Variants in ENTPD4 observed in about 807,000 individuals in gnomAD.
ENTPD4 encodes Golgi UDPase.
In ENTPD4, 60 loss-of-function variants were observed where a neutral mutation model predicts 79.1. That is an observed-to-expected ratio of 0.76 (90% CI 0.62 to 0.94). The LOEUF (loss-of-function observed/expected upper bound fraction) is 0.94, where lower values mean the gene tolerates loss of function less well. Ranked by LOEUF, ENTPD4 falls within the 40% of genes least tolerant of loss-of-function variation. The pLI is 0.00. For missense variants in ENTPD4, 772 were observed against 775.1 expected (o/e 1.00, Z 0.05); for synonymous variants, 276 against 292.0 (o/e 0.95, Z 0.56).
chr8:23,442,894 T>C (rs1406109948), intron 6 of ENTPD4, among the ~76,000 whole-genome samples: 1 of 152,102 alleles, frequency 6.6e-6, no homozygotes, highest in African/African-American at 2.4e-5. Context: ...TCCAAATTCC[T>C]GGACTGACAA....
intron 1 of ENTPD4, among the ~76,000 whole-genome samples, chr8:23,452,870 G>A (rs1800889470): frequency 1.3e-5 from 2 of 152,190 alleles, no homozygotes; most frequent in African/African-American, 4.8e-5. Context: ...TATCCCCAGA[G>A]TATTTGCTTA....
At chr8:23,447,641 C>A in intron 4 of ENTPD4, 39 bp downstream of exon 4, 5 of 1,508,376 alleles carry the variant, frequency 3.3e-6, no homozygotes, top group Non-Finnish European at 4.6e-6. Flanking sequence ...AATGAAGGTA[C>A]ACACCCTGGT....
intron 4 of ENTPD4, among the ~76,000 whole-genome samples, chr8:23,447,037 G>A (rs562026019): frequency 2.9e-4 from 44 of 152,166 alleles, no homozygotes; most frequent in Non-Finnish European, 5.1e-4. Context: ...AGGCACTCCC[G>A]GTATCTCCCA....
chr8:23,437,023 A>C lies in ENTPD4; in HGVS notation c.1285T>G (p.Tyr429Asp), dbSNP rs1459722739. 11 of 1,614,074 alleles carry C rather than the reference A, an allele frequency of 6.8e-6. No individual in the cohort carries two copies. Among genetic ancestry groups the C allele is most frequent in the African/African-American group, 1.3e-5 (1 of 75,062 alleles). Residue 429 changes from tyrosine (Y) to aspartate (D), a missense_variant, in exon 10 of 13, where the codon TAT becomes GAT. By Grantham distance (160) the Tyr-to-Asp change is radical. Coordinates refer to ENST00000358689, the MANE Select transcript of ENTPD4 (RefSeq NM_004901.5). ...CAGTAGTAGAATTCGGAGAAGCCAT[A>C]GAATTCACTGTTCTGGAAGTGAATT... ...PPIHFQNSEF[Y>D]GFSEFYYCTE...
intron 1 of ENTPD4, among the ~76,000 whole-genome samples, chr8:23,453,062 T>G (rs1479532444): frequency 1.3e-5 from 2 of 152,156 alleles, no homozygotes; most frequent in Non-Finnish European, 2.9e-5. Flanking sequence ...CAAAGATGAA[T>G]TAGATATAGG....
At position 23,439,739 on chromosome 8, in the gene ENTPD4, G is replaced by T; in HGVS notation, c.1049+10C>A. ...TGCAAATGACTGCCAAGTAGTGAAA[G>T]GTGCTTTACCTGTTCTTTTGAATGG... On this transcript the variant is annotated intron_variant, in intron 9 of 12. Transcript: ENST00000358689. The T allele has an allele frequency of 3.1e-6, 5 of 1,613,390 alleles. No homozygotes were observed. The highest frequency in any genetic ancestry group is 4.2e-6 in the Non-Finnish European group (5 of 1,179,414).
In ENTPD4 at chr8:23,433,077, A is replaced by T. The variant is rs774669675; in HGVS notation, c.1700T>A (p.Phe567Tyr). 3.7e-6 allele frequency: 6 copies of T among 1,614,056 alleles called. No individual in the cohort carries two copies. Among genetic ancestry groups the T allele is most frequent in the Non-Finnish European group, 5.1e-6 (6 of 1,180,034 alleles). The change falls in exon 13 of 13, where the codon TTC becomes TAC. Residue 567 changes from phenylalanine (F) to tyrosine (Y), a missense_variant. Phe to Tyr is a conservative substitution (Grantham distance 22). Coordinates refer to ENST00000358689, the MANE Select transcript of ENTPD4 (RefSeq NM_004901.5). ...GVSFVYNHYL[F>Y]SGCFLVVLLA... ...CAGCACCACCAGGAAGCAGCCAGAG[A>T]ACAGGTAGTGGTTGTAGACAAAGGA...
chr8:23,444,037 AAAAAC>A (rs1800719981), intron 5 of ENTPD4, 84 bp from the exon 6 acceptor site: 2 of 924,932 alleles, frequency 2.2e-6, no homozygotes, highest in Non-Finnish European at 3.3e-6. Context: ...TAAACAAACA[AAAAAC>A]AAAACCAGGG....
At chr8:23,434,778 T>C (rs1224813240) in intron 11 of ENTPD4, 5 of 1,112,166 alleles carry the variant, frequency 4.5e-6, no homozygotes, top group East Asian at 7.9e-5. Context: ...CATGTACTCC[T>C]TGAATGAATA....
intron 9 of ENTPD4, among the ~76,000 whole-genome samples, chr8:23,438,065 A>G (rs1468263721): frequency 6.6e-6 from 1 of 152,202 alleles, no homozygotes; most frequent in East Asian, 1.9e-4. Flanking sequence ...GAAAATAAAC[A>G]TTAATTTTGT....
intron 5 of ENTPD4, 145 bp downstream of exon 5, chr8:23,444,311 G>T: frequency 1.3e-6 from 1 of 749,168 alleles, no homozygotes; most frequent in Non-Finnish European, 2.2e-6. Flanking sequence ...TTCTGGTACT[G>T]TTACAGACTT....
rs185704643 is a variant in ENTPD4 at position 23,432,650 on chromosome 8, C to T, written c.*276G>A. The T allele has an allele frequency of 4.4e-6, 3 of 682,716 alleles. No homozygotes were observed. In the Admixed American group the frequency reaches 1.4e-4, roughly 31 times the overall value. The allele number at this position is 682,716 out of a possible 1,614,324, so 42.3% of individuals were successfully genotyped here. ...AGTAGCTGGGACTACGGGCGCCCGC[C>T]ACCACACCCAGCTAATTTTTTGTAT... On this transcript the variant is annotated 3_prime_UTR_variant, in exon 13 of 13. Coordinates refer to ENST00000358689, the MANE Select transcript of ENTPD4 (RefSeq NM_004901.5).
At chr8:23,456,929 T>G (rs573519547) in intron 1 of ENTPD4, among the ~76,000 whole-genome samples, 10 of 152,340 alleles carry the variant, frequency 6.6e-5, no homozygotes, top group African/African-American at 2.4e-4. Context: ...TCGTGATAAG[T>G]GTTCTCTGAA....
In ENTPD4 at chr8:23,443,903, A is replaced by G; in HGVS notation, c.614T>C (p.Phe205Ser). 6.2e-7 allele frequency: 1 copy of G among 1,613,916 alleles called. No individual in the cohort carries two copies. Among genetic ancestry groups the G allele is most frequent in the Non-Finnish European group, 8.5e-7 (1 of 1,179,836 alleles). ...ATGAGAGTCAGAAAACAGAAAGTCA[A>G]AGTGCACGGGGATATCGGTCAGAAG... Reference protein sequence around the residue: ...EDLLTDIPVHFDFLFSDSHAE... With the variant: ...EDLLTDIPVHSDFLFSDSHAE... Residue 205 changes from phenylalanine to serine, a missense_variant, in exon 6 of 13, where the codon TTT becomes TCT. Physicochemically the swap from Phe to Ser is radical, Grantham distance 155. Coordinates refer to ENST00000358689, the MANE Select transcript of ENTPD4 (RefSeq NM_004901.5).
chr8:23,440,720 T>C (rs1800653255), intron 8 of ENTPD4, among the ~76,000 whole-genome samples: 1 of 152,238 alleles, frequency 6.6e-6, no homozygotes, highest in Non-Finnish European at 1.5e-5. Context: ...TGGCAGTGCA[T>C]TAGATATACT....
At position 23,429,990 on chromosome 8, in the gene ENTPD4, A is replaced by C; in HGVS notation, c.*2936T>G. ...ACTTATTGCTGGCATGTTTCTACCA[A>C]GATTGAACACAATGCTTTTCTTTGA... is the stretch of plus-strand genomic sequence containing the variant. On this transcript the variant is annotated 3_prime_UTR_variant, in exon 13 of 13. Coordinates refer to ENST00000358689, the MANE Select transcript of ENTPD4 (RefSeq NM_004901.5). The C allele has an allele frequency of 1.0e-6, 1 of 985,480 alleles. No individual in the cohort carries two copies. The highest frequency in any genetic ancestry group is 1.2e-6 in the Non-Finnish European group (1 of 829,940). The allele number at this position is 985,480 out of a possible 1,614,324, so 61.0% of individuals were successfully genotyped here. A position where few individuals can be genotyped will look rare whatever the true frequency, so the allele number is the denominator to read the frequency against.
intron 12 of ENTPD4, among the ~76,000 whole-genome samples, chr8:23,433,638 C>T (rs539580467): frequency 4.9e-4 from 74 of 152,314 alleles, no homozygotes; most frequent in South Asian, 2.5e-3. Context: ...GGGAAAAACG[C>T]ACATCTTTGT....
Position 23,453,534 on chromosome 8 carries a change from T to C in ENTPD4, c.-97-3537A>G, listed in dbSNP as rs181572844. 1.2e-4 allele frequency among the ~76,000 whole-genome samples: 19 copies of C among 152,332 alleles called. No individual in the cohort carries two copies. The East Asian group carries it at 3.1e-3, about 25-fold the overall frequency. On this transcript the variant is annotated intron_variant, in intron 1 of 12. Transcript: ENST00000358689. ...AATGAGCAAAGACAATTTGAGATTA[T>C]TGAAATAAATCTCATTGAAATGGCT...
At position 23,447,662 on chromosome 8, in the gene ENTPD4, A is replaced by G. The variant is rs1418948935; in HGVS notation, c.412+18T>C. The stretch of plus-strand genomic sequence containing the variant: ...GGTACACACCCTGGTTACCAGGCAG[A>G]TGTTCTCATTTACATACCCGGTTTT... On this transcript the variant is annotated intron_variant, in intron 4 of 12. Coordinates refer to ENST00000358689, the MANE Select transcript of ENTPD4 (RefSeq NM_004901.5). The G allele has an allele frequency of 6.3e-7, 1 of 1,594,488 alleles. No homozygotes were observed. The highest frequency in any genetic ancestry group is 8.6e-7 in the Non-Finnish European group (1 of 1,161,986).
Sources: allele counts gnomAD v4.1 joint callset (sites outside exome capture counted in the v4.1 genomes callset), GRCh38; gene constraint gnomAD v4.1.1; transcripts MANE v1.5; gene names NCBI Gene and HGNC (gene_info 2026-07-23, HGNC 2026-07-21).